Variants in CORIN observed in about 807,000 individuals in gnomAD.
CORIN encodes the protein atrial natriuretic peptide-converting enzyme.
Under a neutral mutation model 125.3 loss-of-function variants are expected in CORIN, and 117 were observed. That is an observed-to-expected ratio of 0.93 (90% CI 0.80 to 1.09). CORIN has a LOEUF of 1.09. CORIN is among the 50% of genes least tolerant of loss of function. The probability of loss-of-function intolerance (pLI) is 0.00; values close to 1 mark genes in which losing one functional copy is unlikely to be tolerated. For synonymous variants in CORIN, 450 were observed against 466.4 expected, an observed-to-expected ratio of 0.96 and a Z score of 0.45; for missense variants, 1,253 against 1,306.7, an observed-to-expected ratio of 0.96 and a Z score of 0.63.
At chr4:47,673,195 TAAATAAATA>T (rs1380935885) in intron 10 of CORIN, among the ~76,000 whole-genome samples, 3 of 145,118 alleles carry the variant, frequency 2.1e-5, no homozygotes, top group Non-Finnish European at 4.5e-5. Flanking sequence ...AATAAATAAA[TAAATAAATA>T]AATAAATAAA....
At chr4:47,615,248 G>C (rs1437714690) in intron 19 of CORIN, among the ~76,000 whole-genome samples, 1 of 152,168 alleles carries the variant, frequency 6.6e-6, no homozygotes, top group Non-Finnish European at 1.5e-5. Context: ...CCAATGAAAA[G>C]ATTTTATTCT....
chr4:47,807,514 G>C (rs924953395), intron 1 of CORIN, among the ~76,000 whole-genome samples: 3 of 152,098 alleles, frequency 2.0e-5, no homozygotes, highest in African/African-American at 7.2e-5. Context: ...AATGAATCTG[G>C]ATAAAATAAG....
chr4:47,678,725 T>C (rs1423992688), intron 8 of CORIN, among the ~76,000 whole-genome samples: 1 of 152,228 alleles, frequency 6.6e-6, no homozygotes, highest in Non-Finnish European at 1.5e-5. Flanking sequence ...TATTGTCTTT[T>C]AGAGTATCGG....
chr4:47,739,736 A>T (rs896935912), intron 5 of CORIN, among the ~76,000 whole-genome samples: 17 of 151,974 alleles, frequency 1.1e-4, no homozygotes, highest in African/African-American at 4.1e-4. Context: ...AATCATAATC[A>T]ATAAACCTAT....
At chr4:47,669,801 C>T (rs1297784511) in intron 10 of CORIN, among the ~76,000 whole-genome samples, 1 of 152,074 alleles carries the variant, frequency 6.6e-6, no homozygotes. Flanking sequence ...AATTTCCTGA[C>T]CTTGTGATCT....
chr4:47,821,377 T>C (rs1170590285), intron 1 of CORIN, among the ~76,000 whole-genome samples: 1 of 150,638 alleles, frequency 6.6e-6, no homozygotes, highest in African/African-American at 2.4e-5. Context: ...TAGGTACTTA[T>C]ATATATATAA....
At chr4:47,761,373 G>A (rs536643288) in intron 4 of CORIN, among the ~76,000 whole-genome samples, 27 of 152,022 alleles carry the variant, frequency 1.8e-4, no homozygotes, top group South Asian at 6.2e-4. Flanking sequence ...ACTGTGTCTC[G>A]CAGAATAGGA....
At chr4:47,821,751 C>G (rs1732524481) in intron 1 of CORIN, among the ~76,000 whole-genome samples, 1 of 152,056 alleles carries the variant, frequency 6.6e-6, no homozygotes, top group Non-Finnish European at 1.5e-5. Flanking sequence ...GAGACAAAAC[C>G]AAACATAGAA....
At chr4:47,666,467 A>G (rs1276721125) in intron 10 of CORIN, among the ~76,000 whole-genome samples, 1 of 152,196 alleles carries the variant, frequency 6.6e-6, no homozygotes, top group African/African-American at 2.4e-5. Context: ...TCGATAGGAA[A>G]AAGGATGCAC....
chr4:47,811,411 A>T (rs149472330), intron 1 of CORIN, among the ~76,000 whole-genome samples: 53 of 152,336 alleles, frequency 3.5e-4, no homozygotes, highest in Admixed American at 3.3e-3. Flanking sequence ...TTTCAAGTAC[A>T]TAAGTCTTTA....
chr4:47,697,966 G>A (rs911745982), intron 5 of CORIN, among the ~76,000 whole-genome samples: 6 of 151,812 alleles, frequency 4.0e-5, no homozygotes, highest in African/African-American at 7.3e-5. Context: ...CAAGGCTTGT[G>A]TTGCCCTCTG....
At chr4:47,806,842 C>T (rs939017602) in intron 2 of CORIN, 61 bp downstream of exon 2, 1 of 1,527,422 alleles carries the variant, frequency 6.5e-7, no homozygotes, top group Non-Finnish European at 8.8e-7. Context: ...AGAAATCACT[C>T]TTCTAGATCA....
intron 4 of CORIN, among the ~76,000 whole-genome samples, chr4:47,760,414 C>G (rs1033951311): frequency 6.6e-6 from 1 of 152,076 alleles, no homozygotes; most frequent in Middle Eastern, 3.2e-3. Context: ...AATGACTGTC[C>G]TTTCTCCATT....
intron 5 of CORIN, among the ~76,000 whole-genome samples, chr4:47,707,764 T>G (rs534943706): frequency 2.0e-5 from 3 of 152,170 alleles, no homozygotes; most frequent in African/African-American, 7.2e-5. Flanking sequence ...TACCTGGGTA[T>G]GTACTGACCC....
intron 17 of CORIN, 59 bp downstream of exon 17, chr4:47,626,345 CA>C: frequency 1.0e-6 from 1 of 991,938 alleles, no homozygotes; most frequent in Non-Finnish European, 1.6e-6. Flanking sequence ...AAGAAAGGCC[CA>C]ATGATAAACT....
chr4:47,623,839 C>A, intron 18 of CORIN, 60 bp downstream of exon 18: 3 of 1,606,612 alleles, frequency 1.9e-6, no homozygotes. Context: ...TCACTCTTCC[C>A]CTGAGCCAAT....
intron 5 of CORIN, chr4:47,706,935 G>C (rs1006381105): frequency 1.9e-6 from 3 of 1,599,290 alleles, no homozygotes; most frequent in South Asian, 1.1e-5. Context: ...TGTGGTTCTC[G>C]CCGGGCAGCT....
rs1577721508 is a variant in CORIN at position 47,595,743 on chromosome 4, A to G, written c.3107T>C (p.Ile1036Thr). The G allele has an allele frequency of 3.1e-6, 5 of 1,609,356 alleles. No homozygotes were observed. The highest frequency in any genetic ancestry group is 2.7e-5 in the African/African-American group (2 of 74,632). ...FVEWIKRQIY[I>T]QTFLLN is the part of the protein sequence containing the mutation. ...TAATTAGTTTAGGAGAAAGGTCTGG[A>G]TGTAAATCTGTCTTTTAATCCATTC... Residue 1036 changes from isoleucine to threonine, a missense_variant, in exon 22 of 22, where the codon ATC becomes ACC. Coordinates refer to ENST00000273857, the MANE Select transcript of CORIN (RefSeq NM_006587.4).
intron 2 of CORIN, among the ~76,000 whole-genome samples, chr4:47,787,326 T>C (rs1347199179): frequency 6.6e-6 from 1 of 152,168 alleles, no homozygotes; most frequent in African/African-American, 2.4e-5. Context: ...CACCGGTCAT[T>C]GTTTGCTACT....
Sources: allele counts gnomAD v4.1 joint callset (sites outside exome capture counted in the v4.1 genomes callset), GRCh38; gene constraint gnomAD v4.1.1; transcripts MANE v1.5; gene names NCBI Gene and HGNC (gene_info 2026-07-23, HGNC 2026-07-21).